Variants in ABCA13 observed in about 807,000 individuals in gnomAD.
The protein encoded by ABCA13 is ATP-binding cassette sub-family A member 13.
A neutral mutation model predicts 478.7 loss-of-function variants in ABCA13; 476 were observed. The ratio of observed to expected loss-of-function variants is 0.99; its 90% CI spans 0.92 to 1.07. The LOEUF (loss-of-function observed/expected upper bound fraction) is 1.07, where lower values mean the gene tolerates loss of function less well. Among genes scored for constraint, ABCA13 ranks in the 50% least tolerant of loss-of-function variants. ABCA13 has a pLI of 0.00. For missense variants in ABCA13, 6,060 were observed against 5,910.6 expected (o/e 1.03, Z -0.83); for synonymous variants, 2,252 against 2,158.9 (o/e 1.04, Z -1.20).
At chr7:48,638,637 C>G (rs1794875317) in intron 59 of ABCA13, among the ~76,000 whole-genome samples, 1 of 152,122 alleles carries the variant, frequency 6.6e-6, no homozygotes, top group African/African-American at 2.4e-5. Context: ...TCAAACTTAA[C>G]TGAAGTTGAA....
At chr7:48,390,092 T>C (rs1815807824) in intron 37 of ABCA13, among the ~76,000 whole-genome samples, 1 of 152,092 alleles carries the variant, frequency 6.6e-6, no homozygotes, top group Non-Finnish European at 1.5e-5. Context: ...TGTTTGAAAA[T>C]TGGGAAACCA....
At position 48,520,315 on chromosome 7, in the gene ABCA13, C is replaced by G. The variant is rs1242874400; in HGVS notation, c.14051+21C>G. ...CCAAGGTGGGTTCTGAAGGACTCAT[C>G]CTCGAGCTGCACTTACTCCTGCAAA... On this transcript the variant is annotated intron_variant, in intron 53 of 61. Coordinates refer to ENST00000435803, the MANE Select transcript of ABCA13 (RefSeq NM_152701.5). The G allele has an allele frequency of 3.2e-6, 5 of 1,586,746 alleles. No individual in the cohort carries two copies. In the African/African-American group the frequency reaches 5.4e-5, roughly 17 times the overall value.
chr7:48,504,106 A>G lies in ABCA13; in HGVS notation c.13292-2230A>G, dbSNP rs372904702. ...ATTCAGCGTTGGACAGACATGAGGC[A>G]GGAGTGGGGTGTCAGCAGGGTTGGA... On this transcript the variant is annotated intron_variant, in intron 48 of 61. Transcript: ENST00000435803. 2.6e-5 allele frequency among the ~76,000 whole-genome samples: 4 copies of G among 152,356 alleles called. No homozygotes were observed. In the East Asian group the frequency reaches 7.7e-4, roughly 29 times the overall value.
intron 56 of ABCA13, among the ~76,000 whole-genome samples, chr7:48,583,181 T>A (rs1422535306): frequency 6.6e-6 from 1 of 152,200 alleles, no homozygotes; most frequent in Non-Finnish European, 1.5e-5. Context: ...CTGTCCCTAC[T>A]GTGTCTTGCT....
chr7:48,177,436 C>T (rs1426490114), intron 1 of ABCA13, among the ~76,000 whole-genome samples: 4 of 152,168 alleles, frequency 2.6e-5, no homozygotes, highest in Non-Finnish European at 5.9e-5. Flanking sequence ...TGAGCAGCCA[C>T]CTGCGAGCCA....
Position 48,245,603 on chromosome 7 carries a change from G to A in ABCA13, c.1482G>A (p.Glu494=). The A allele has an allele frequency of 1.2e-6, 2 of 1,609,970 alleles. No homozygotes were observed. Among genetic ancestry groups the A allele is most frequent in the Non-Finnish European group, 1.7e-6 (2 of 1,178,712 alleles). ...TGGAAAAGGATGTGTTCTTTTGGGA[G>A]CTGAAACAGGTAAAGCACAACAAAT... The part of the protein sequence containing the change: ...LKLEKDVFFW[E]LKQMLAKNAV... The change falls in exon 12 of 62, where the codon GAG becomes GAA. Residue 494 remains glutamate, a synonymous_variant. Transcript: ENST00000435803.
rs144698638 is a variant in ABCA13 at position 48,331,513 on chromosome 7, A to G, written c.10000-3909A>G. Among the ~76,000 whole-genome samples, 17 of 152,284 alleles carry G rather than the reference A, an allele frequency of 1.1e-4. No homozygotes were observed. The East Asian group carries it at 2.1e-3, about 19-fold the overall frequency. On this transcript the variant is annotated intron_variant, in intron 27 of 61. Transcript: ENST00000435803. The stretch of plus-strand genomic sequence containing the variant: ...TTTTCTTGATGCTCAAATGATCCCA[A>G]CTGTGGTCAGTGGGCACCTCTTCAT...
chr7:48,492,777 G>C (rs1829952787), intron 48 of ABCA13, among the ~76,000 whole-genome samples: 1 of 152,118 alleles, frequency 6.6e-6, no homozygotes. Flanking sequence ...TGTAACCCCA[G>C]AACTTTGGGA....
intron 55 of ABCA13, among the ~76,000 whole-genome samples, chr7:48,551,340 T>A (rs926617824): frequency 6.6e-6 from 1 of 151,900 alleles, no homozygotes; most frequent in African/African-American, 2.4e-5. Flanking sequence ...CATTTAAACT[T>A]CATCTTTAAT....
chr7:48,630,374 C>T lies in ABCA13; in HGVS notation c.14838-12914C>T, dbSNP rs75832832. Among the ~76,000 whole-genome samples, 1,081 of 152,232 alleles carry T rather than the reference C, an allele frequency of 7.1e-3. 14 individuals carry two copies. Among genetic ancestry groups the T allele is most frequent in the African/African-American group, 0.024 (1,000 of 41,524 alleles). On this transcript the variant is annotated intron_variant, in intron 59 of 61. Transcript: ENST00000435803. ...TCCTTTCTTTGTTTTCATGCATACT[C>T]GTTGTTTAACTCCCACATATAAGTG...
Position 48,248,420 on chromosome 7 carries a change from G to A in ABCA13, c.1841G>A (p.Cys614Tyr), listed in dbSNP as rs780042939. Reference sequence around the variant, plus strand: ...GAGAATGATGTCTTTTCTAGTGACTGTAAGCACCAGCTTGTCTCCACAGTG... The same window carrying A: ...GAGAATGATGTCTTTTCTAGTGACTATAAGCACCAGCTTGTCTCCACAGTG... ...SPENDVFSSD[C>Y]KHQLVSTVIF... Residue 614 changes from cysteine to tyrosine, a missense_variant, in exon 14 of 62, where the codon TGT (cysteine) becomes TAT (tyrosine). Physicochemically the swap from Cys to Tyr is radical, Grantham distance 194 (BLOSUM62 -2). Transcript: ENST00000435803. 3 of 1,608,766 alleles carry A rather than the reference G, an allele frequency of 1.9e-6. No homozygotes were observed. Among genetic ancestry groups the A allele is most frequent in the South Asian group, 2.2e-5 (2 of 90,124 alleles).
chr7:48,505,971 A>G (rs569849802), intron 48 of ABCA13, among the ~76,000 whole-genome samples: 11 of 152,208 alleles, frequency 7.2e-5, no homozygotes, highest in Non-Finnish European at 1.3e-4. Context: ...TTCATATCAG[A>G]TAGTCTTCTT....
chr7:48,519,104 G>A (rs1832345017), intron 52 of ABCA13, among the ~76,000 whole-genome samples: 1 of 152,090 alleles, frequency 6.6e-6, no homozygotes, highest in African/African-American at 2.4e-5. Context: ...TGAGGATAAT[G>A]GCTTTCTTGC....
Position 48,272,188 on chromosome 7 carries a change from G to T in ABCA13, c.2522G>T (p.Gly841Val). 1 of 1,611,950 alleles carries T rather than the reference G, an allele frequency of 6.2e-7. No homozygotes were observed. The highest frequency in any genetic ancestry group is 8.5e-7 in the Non-Finnish European group (1 of 1,179,188). Residue 841 changes from glycine (G) to valine (V), a missense_variant, in exon 17 of 62, where the codon GGC becomes GTC. Coordinates refer to ENST00000435803, the MANE Select transcript of ABCA13 (RefSeq NM_152701.5). ...NPKLLELWAYGISKGKRAKLE... is the reference protein window; with the variant it reads ...NPKLLELWAYVISKGKRAKLE... ...AAATTACTAGAATTATGGGCCTATG[G>T]CATTTCAAAAGGAAAAAGAGCTAAA... is the stretch of plus-strand genomic sequence containing the variant.
At chr7:48,584,747 T>TA (rs1382764829) in intron 56 of ABCA13, among the ~76,000 whole-genome samples, 19 of 152,312 alleles carry the variant, frequency 1.2e-4, no homozygotes, top group East Asian at 1.2e-3. Context: ...AGTTTTTTTT[T>TA]ATTTAGAAGT....
In ABCA13 at chr7:48,389,193, C is replaced by A. The variant is rs1477987509; in HGVS notation, c.11627C>A (p.Thr3876Lys). Residue 3876 changes from threonine to lysine, a missense_variant, in exon 37 of 62, where the codon ACA becomes AAA. Coordinates refer to ENST00000435803, the MANE Select transcript of ABCA13 (RefSeq NM_152701.5). Reference sequence around the variant, plus strand: ...GACCAAATCACCGCCCTGCTGGGGACAAACGGTGCCGGGAAAACCACTATC... The same window carrying A: ...GACCAAATCACCGCCCTGCTGGGGAAAAACGGTGCCGGGAAAACCACTATC... ...YRDQITALLG[T>K]NGAGKTTIIS... 1.9e-6 allele frequency: 3 copies of A among 1,613,636 alleles called. No homozygotes were observed. Among genetic ancestry groups the A allele is most frequent in the African/African-American group, 1.3e-5 (1 of 74,934 alleles).
At chr7:48,558,127 C>T (rs992278125) in intron 55 of ABCA13, among the ~76,000 whole-genome samples, 6 of 149,294 alleles carry the variant, frequency 4.0e-5, no homozygotes, top group Admixed American at 2.7e-4. Context: ...GTACCTTCCC[C>T]TTCCTTCCTT....
intron 58 of ABCA13, among the ~76,000 whole-genome samples, chr7:48,600,577 G>C (rs1479121907): frequency 6.6e-6 from 1 of 151,786 alleles, no homozygotes; most frequent in African/African-American, 2.4e-5. Flanking sequence ...TTTTAGTTAT[G>C]TTCTTACTGG....
chr7:48,637,381 C>CAAAAAAAAAAAAAAAAAA lies in ABCA13; in HGVS notation c.14838-5899_14838-5882dup, dbSNP rs1156643955. ...TGTTTTCTTTATTATGTTCATAAAGCAAAAAAAAAAAAAAAAAAAAAAAAA... is the reference window on the plus strand; with the variant it reads ...TGTTTTCTTTATTATGTTCATAAAGCAAAAAAAAAAAAAAAAAAAAAAAAAAAAAAAAAAAAAAAAAAA... On this transcript the variant is annotated intron_variant, in intron 59 of 61. Coordinates refer to ENST00000435803, the MANE Select transcript of ABCA13 (RefSeq NM_152701.5). Among the ~76,000 whole-genome samples, 45 of 20,254 alleles carry CAAAAAAAAAAAAAAAAAA rather than the reference C, an allele frequency of 2.2e-3. 3 individuals are homozygous for CAAAAAAAAAAAAAAAAAA. The highest frequency in any genetic ancestry group is 2.6e-3 in the African/African-American group (13 of 4,916). 13.3% of individuals were successfully genotyped at this position (20,254 alleles called of 152,430 possible).
Sources: gnomAD v4.1 joint callset for allele counts (sites outside exome capture counted in the v4.1 genomes callset) on GRCh38, gnomAD v4.1.1 for gene constraint, MANE v1.5 for transcripts, NCBI Gene and HGNC (gene_info 2026-07-23, HGNC 2026-07-21) for gene names.